TXK: variants seen among roughly 807,000 people sequenced by gnomAD.
The protein encoded by TXK is TXK tyrosine kinase, also known as tyrosine-protein kinase TXK.
In TXK, 60 loss-of-function variants were observed where a neutral mutation model predicts 81.0. The observed-to-expected ratio is 0.74, with a 90% confidence interval of 0.60 to 0.92. The LOEUF (loss-of-function observed/expected upper bound fraction) is 0.92. Ranked by LOEUF, TXK falls within the 40% of genes least tolerant of loss-of-function variation. The pLI is 0.00. For synonymous variants in TXK, 203 were observed against 210.7 expected (o/e 0.96, Z 0.32); for missense variants, 581 against 638.3 (o/e 0.91, Z 0.97).
intron 7 of TXK, among the ~76,000 whole-genome samples, chr4:48,094,834 G>A (rs1560350061): frequency 6.6e-6 from 1 of 152,204 alleles, no homozygotes; most frequent in Non-Finnish European, 1.5e-5. Context: ...GAAGCTTTCT[G>A]AGTGCAAGAG....
At position 48,071,598 on chromosome 4, in the gene TXK, A is replaced by T; in HGVS notation, c.1434T>A (p.Ala478=). ...ENKSNLQVVE[A]ISEGFRLYRP... Reference sequence around the variant, plus strand: ...GATATAGCCTGAAGCCTTCAGAAATAGCTTCCACGACTTGCAAATTTGACT... The same window carrying T: ...GATATAGCCTGAAGCCTTCAGAAATTGCTTCCACGACTTGCAAATTTGACT... Residue 478 remains alanine (A), a synonymous_variant, in exon 14 of 15, where the codon GCT becomes GCA. Transcript: ENST00000264316. 6.2e-7 allele frequency: 1 copy of T among 1,614,206 alleles called. No homozygotes were observed. The highest frequency in any genetic ancestry group is 8.5e-7 in the Non-Finnish European group (1 of 1,180,022).
chr4:48,121,635 G>A (rs1718965594), intron 1 of TXK, among the ~76,000 whole-genome samples: 1 of 152,086 alleles, frequency 6.6e-6, no homozygotes, highest in Admixed American at 6.5e-5. Context: ...CTAATACAAT[G>A]TAAATGCTAT....
intron 1 of TXK, among the ~76,000 whole-genome samples, chr4:48,125,912 CT>C (rs1719077508): frequency 6.6e-6 from 1 of 152,194 alleles, no homozygotes; most frequent in Non-Finnish European, 1.5e-5. Context: ...TGATTAGGGA[CT>C]TCAACTGTGG....
At chr4:48,076,973 T>A (rs1717095877) in intron 11 of TXK, among the ~76,000 whole-genome samples, 1 of 152,188 alleles carries the variant, frequency 6.6e-6, no homozygotes, top group African/African-American at 2.4e-5. Context: ...CAACTATGAA[T>A]CTTGGCATAA....
intron 4 of TXK, 100 bp downstream of exon 4, chr4:48,112,207 T>A: frequency 9.0e-7 from 1 of 1,114,108 alleles, no homozygotes. Flanking sequence ...GGGGACAGAT[T>A]CCATTTCATG....
intron 8 of TXK, among the ~76,000 whole-genome samples, chr4:48,090,849 A>G (rs569525553): frequency 1.1e-4 from 17 of 152,392 alleles, no homozygotes; most frequent in Middle Eastern, 6.8e-3. Context: ...TTCAGACAAG[A>G]TGACAGCTAC....
chr4:48,127,743 T>C (rs889109673), intron 1 of TXK, among the ~76,000 whole-genome samples: 2 of 150,534 alleles, frequency 1.3e-5, no homozygotes, highest in Admixed American at 6.6e-5. Context: ...AAAAAGGGCA[T>C]CGCATCAGAT....
rs1716603347 is a variant in TXK at position 48,066,448 on chromosome 4, T to C, written c.*1189A>G. The C allele has an allele frequency of 1.3e-5, 2 of 152,202 alleles. No individual in the cohort carries two copies. The highest frequency in any genetic ancestry group is 4.1e-4 in the South Asian group (2 of 4,828). The allele number at this position is 152,202 out of a possible 1,614,324, so 9.4% of individuals were successfully genotyped here. On this transcript the variant is annotated 3_prime_UTR_variant, in exon 15 of 15. Coordinates refer to ENST00000264316, the MANE Select transcript of TXK (RefSeq NM_003328.3). ...ATGTCATTGATATATAAAGATACCA[T>C]TCTTTGAGTGGGGGAAATATAATTT...
chr4:48,128,065 C>T (rs1364985589), intron 1 of TXK, among the ~76,000 whole-genome samples: 1 of 152,174 alleles, frequency 6.6e-6, no homozygotes, highest in Non-Finnish European at 1.5e-5. Flanking sequence ...GCCCGGGCTG[C>T]GCGGGAAGCA....
At chr4:48,068,214 G>A (rs1006915513) in intron 14 of TXK, among the ~76,000 whole-genome samples, 3 of 152,152 alleles carry the variant, frequency 2.0e-5, no homozygotes, top group South Asian at 2.1e-4. Context: ...GATATAGAAC[G>A]TTTCAGCATC....
chr4:48,071,996 C>T (rs923329293), intron 13 of TXK, among the ~76,000 whole-genome samples: 11 of 150,382 alleles, frequency 7.3e-5, no homozygotes, highest in Non-Finnish European at 1.5e-4. Flanking sequence ...CTCTGTCGCC[C>T]GGGCTGGAGT....
intron 4 of TXK, among the ~76,000 whole-genome samples, chr4:48,111,398 T>C (rs879447160): frequency 9.2e-5 from 14 of 152,150 alleles, no homozygotes; most frequent in Non-Finnish European, 1.5e-4. Context: ...GGGGAGACAC[T>C]TGGGTTTGGA....
intron 6 of TXK, among the ~76,000 whole-genome samples, chr4:48,104,049 A>G (rs936203556): frequency 8.1e-5 from 12 of 148,944 alleles, no homozygotes; most frequent in African/African-American, 3.0e-4. Context: ...AAAAAATACA[A>G]AGAAACTAGC....
chr4:48,107,403 A>C (rs1718490322), intron 5 of TXK, among the ~76,000 whole-genome samples: 1 of 150,318 alleles, frequency 6.7e-6, no homozygotes, highest in Admixed American at 6.7e-5. Context: ...CAAAACACAC[A>C]CTACCTGCTA....
At chr4:48,109,665 A>G (rs559344309) in intron 5 of TXK, among the ~76,000 whole-genome samples, 2 of 152,322 alleles carry the variant, frequency 1.3e-5, no homozygotes, top group African/African-American at 4.8e-5. Context: ...TCTCTCCTCC[A>G]ATAAAGTCTA....
chr4:48,123,343 T>A (rs945645381), intron 1 of TXK, among the ~76,000 whole-genome samples: 1 of 152,194 alleles, frequency 6.6e-6, no homozygotes, highest in Admixed American at 6.5e-5. Flanking sequence ...TCTTACCTTT[T>A]CCCCAACAGA....
At chr4:48,133,882 A>G (rs565785040) in intron 1 of TXK, among the ~76,000 whole-genome samples, 40 of 152,016 alleles carry the variant, frequency 2.6e-4, no homozygotes, top group African/African-American at 9.4e-4. Flanking sequence ...AGTACTTCAT[A>G]CTGATTGCAT....
chr4:48,114,871 A>G (rs920364989), intron 1 of TXK, among the ~76,000 whole-genome samples: 4 of 152,024 alleles, frequency 2.6e-5, no homozygotes, highest in African/African-American at 9.7e-5. Flanking sequence ...TCTTTTACGT[A>G]TTTATTGTAA....
At chr4:48,070,658 A>T (rs1716807372) in intron 14 of TXK, among the ~76,000 whole-genome samples, 3 of 151,958 alleles carry the variant, frequency 2.0e-5, no homozygotes. Flanking sequence ...AGCTCACTGT[A>T]GCCTTTGCCT....
Sources: allele counts gnomAD v4.1 joint callset (sites outside exome capture counted in the v4.1 genomes callset), GRCh38; gene constraint gnomAD v4.1.1; transcripts MANE v1.5; gene names NCBI Gene and HGNC (gene_info 2026-07-23, HGNC 2026-07-21).